The following SLC25A44 variants were observed in gnomAD, a reference collection of about 807,000 sequenced individuals.
SLC25A44 encodes solute carrier family 25, member 44.
Under a neutral mutation model 29.9 loss-of-function variants are expected in SLC25A44, and 17 were observed. The ratio of observed to expected loss-of-function variants is 0.57; its 90% CI spans 0.39 to 0.85. SLC25A44 has a LOEUF of 0.85. Among genes scored for constraint, SLC25A44 ranks in the 40% least tolerant of loss-of-function variants. The pLI is 0.00. For synonymous variants in SLC25A44, 140 were observed against 151.8 expected, an observed-to-expected ratio of 0.92 and a Z score of 0.57; for missense variants, 302 against 398.4, an observed-to-expected ratio of 0.76 and a Z score of 2.06.
chr1:156,201,914 A>G (rs986826477), intron 2 of SLC25A44, among the ~76,000 whole-genome samples: 1 of 152,300 alleles, frequency 6.6e-6, no homozygotes, highest in East Asian at 1.9e-4. Flanking sequence ...CATCATCTCT[A>G]CTTCCATTCT....
intron 3 of SLC25A44, among the ~76,000 whole-genome samples, chr1:156,209,391 G>A (rs1657152838): frequency 1.3e-5 from 2 of 152,154 alleles, no homozygotes; most frequent in African/African-American, 4.8e-5. Context: ...GAGGAAGAAG[G>A]GAGTGCGGAG....
At chr1:156,199,804 T>C in intron 1 of SLC25A44, 31 bp from the exon 2 acceptor site, 34 of 1,573,838 alleles carry the variant, frequency 2.2e-5, no homozygotes, top group South Asian at 3.6e-5. Context: ...ACCCTCCTTC[T>C]TCACATCCCT....
At position 156,200,132 on chromosome 1, in the gene SLC25A44, G is replaced by T; in HGVS notation, c.285G>T (p.Glu95Asp). The T allele has an allele frequency of 6.2e-7, 1 of 1,614,166 alleles. No homozygotes were observed. Among genetic ancestry groups the T allele is most frequent in the South Asian group, 1.1e-5 (1 of 91,086 alleles). Reference sequence around the variant, plus strand: ...GCCAGTGTTATGTCACCACTTATGAGCTCACCCGGAAGTTTGTAGCTGACT... The same window carrying T: ...GCCAGTGTTATGTCACCACTTATGATCTCACCCGGAAGTTTGTAGCTGACT... ...ISGQCYVTTYELTRKFVADYS... is the reference protein window; with the variant it reads ...ISGQCYVTTYDLTRKFVADYS... Residue 95 changes from glutamate (E) to aspartate (D), a missense_variant, in exon 2 of 4, where the codon GAG becomes GAT. Glu to Asp is a conservative substitution (Grantham distance 45, BLOSUM62 2). Coordinates refer to ENST00000359511, the MANE Select transcript of SLC25A44 (RefSeq NM_014655.4).
chr1:156,203,950 CGCCTCG>C (rs1301135538), intron 2 of SLC25A44, among the ~76,000 whole-genome samples: 2 of 151,320 alleles, frequency 1.3e-5, no homozygotes, highest in Non-Finnish European at 2.9e-5. Flanking sequence ...GTGATCCGCC[CGCCTCG>C]GCCTCCCGAA....
intron 2 of SLC25A44, among the ~76,000 whole-genome samples, chr1:156,204,781 T>C (rs534891708): frequency 4.6e-5 from 7 of 151,678 alleles, no homozygotes; most frequent in Admixed American, 6.6e-5. Context: ...GTCCAGATGC[T>C]ACAGTTTAAT....
intron 1 of SLC25A44, 134 bp from the exon 2 acceptor site, chr1:156,199,701 T>G (rs1277021486): frequency 1.5e-6 from 1 of 679,836 alleles, no homozygotes; most frequent in South Asian, 1.9e-5. Flanking sequence ...CCAGATTGGG[T>G]GGAGTCCAAG....
At position 156,200,365 on chromosome 1, in the gene SLC25A44, T is replaced by A; in HGVS notation, c.518T>A (p.Ile173Asn). The A allele has an allele frequency of 6.2e-7, 1 of 1,614,118 alleles. No homozygotes were observed. Among genetic ancestry groups the A allele is most frequent in the African/African-American group, 1.3e-5 (1 of 75,064 alleles). Reference protein sequence around the residue: ...FGQTKDIIRQILQADGLRGFY... With the variant: ...FGQTKDIIRQNLQADGLRGFY... ...CAAACCAAGGACATCATCAGGCAGA[T>A]CCTGCAGGCTGATGGACTTCGCGGC... Residue 173 changes from isoleucine (I) to asparagine (N), a missense_variant, in exon 2 of 4, where the codon ATC becomes AAC. Coordinates refer to ENST00000359511, the MANE Select transcript of SLC25A44 (RefSeq NM_014655.4).
At position 156,194,184 on chromosome 1, in the gene SLC25A44, G is replaced by A. The variant is rs1163405740; in HGVS notation, c.-77G>A. The A allele has an allele frequency of 6.5e-6, 1 of 152,864 alleles. No homozygotes were observed. The highest frequency in any genetic ancestry group is 1.5e-5 in the Non-Finnish European group (1 of 68,080). The allele number at this position is 152,864 out of a possible 1,614,324, so 9.5% of individuals were successfully genotyped here. A position where few individuals can be genotyped will look rare whatever the true frequency, so the allele number is the denominator to read the frequency against. ...GGGAACGACGGATAGACTGGGGGCT[G>A]CGGCCTAGAGGTCCGGGCTTGGAGT... On this transcript the variant is annotated 5_prime_UTR_variant, in exon 1 of 4. Transcript: ENST00000359511.
At position 156,211,867 on chromosome 1, in the gene SLC25A44, C is replaced by T. The variant is rs941146674; in HGVS notation, c.*1436C>T. The T allele has an allele frequency of 2.0e-5, 3 of 152,784 alleles. No homozygotes were observed. The highest frequency in any genetic ancestry group is 4.4e-5 in the Non-Finnish European group (3 of 68,058). The allele number at this position is 152,784 out of a possible 1,614,324, so 9.5% of individuals were successfully genotyped here. On this transcript the variant is annotated 3_prime_UTR_variant, in exon 4 of 4. Coordinates refer to ENST00000359511, the MANE Select transcript of SLC25A44 (RefSeq NM_014655.4). ...CCTCCAAACCCTATTGGTCCCACCCCCTGGGAAAGGCCATGGTGCCAGTTT... is the reference window on the plus strand; with the variant it reads ...CCTCCAAACCCTATTGGTCCCACCCTCTGGGAAAGGCCATGGTGCCAGTTT...
At chr1:156,207,770 T>C (rs2103051232) in intron 2 of SLC25A44, 116 bp from the exon 3 acceptor site, 1 of 1,070,410 alleles carries the variant, frequency 9.3e-7, no homozygotes. Context: ...ACTTAGGTGG[T>C]GAAGGGTGGA....
At chr1:156,205,303 G>A (rs1471370801) in intron 2 of SLC25A44, among the ~76,000 whole-genome samples, 5 of 152,104 alleles carry the variant, frequency 3.3e-5, no homozygotes, top group African/African-American at 1.2e-4. Context: ...CTGCCTCCCA[G>A]AGTGCTGGGA....
chr1:156,200,323 G>A lies in SLC25A44; in HGVS notation c.476G>A (p.Gly159Glu), dbSNP rs778565124. Residue 159 changes from glycine (G) to glutamate (E), a missense_variant, in exon 2 of 4, where the codon GGG (glycine) becomes GAG (glutamate). Transcript: ENST00000359511. ...GTGCGGGGGAACCCAGAGGGACAAG[G>A]GGTAGTTGCCTTTGGCCAAACCAAG... ...FQVRGNPEGQ[G>E]VVAFGQTKDI... The A allele has an allele frequency of 1.9e-6, 3 of 1,614,146 alleles. No homozygotes were observed. Among genetic ancestry groups the A allele is most frequent in the Non-Finnish European group, 1.7e-6 (2 of 1,180,048 alleles).
intron 2 of SLC25A44, among the ~76,000 whole-genome samples, chr1:156,202,155 G>C (rs1656624009): frequency 6.6e-6 from 1 of 152,132 alleles, no homozygotes; most frequent in Non-Finnish European, 1.5e-5. Context: ...CCCATGTCTA[G>C]TCCTGGTAAC....
chr1:156,197,250 C>G (rs1170484155), intron 1 of SLC25A44: 1 of 152,202 alleles, frequency 6.6e-6, no homozygotes, highest in Non-Finnish European at 1.5e-5. Flanking sequence ...CTTAGTGGGT[C>G]CCCCAGGCTG....
chr1:156,205,501 A>G (rs1656882372), intron 2 of SLC25A44, among the ~76,000 whole-genome samples: 1 of 151,918 alleles, frequency 6.6e-6, no homozygotes, highest in Non-Finnish European at 1.5e-5. Context: ...GCTTGTCCTC[A>G]GGGCCCTTGC....
At chr1:156,196,479 C>G (rs1006508622) in intron 1 of SLC25A44, 4 of 152,186 alleles carry the variant, frequency 2.6e-5, no homozygotes, top group African/African-American at 7.2e-5. Context: ...CGGATCCTGT[C>G]TTAGGATTTC....
Position 156,200,112 on chromosome 1 carries a change from T to TGTTA in SLC25A44, c.266_269dup (p.Tyr90Ter). 6.2e-7 allele frequency: 1 copy of TGTTA among 1,614,116 alleles called. No individual in the cohort carries two copies. The highest frequency in any genetic ancestry group is 8.5e-7 in the Non-Finnish European group (1 of 1,180,022). On this transcript the variant is annotated stop_gained and frameshift_variant, in exon 2 of 4. Coordinates refer to ENST00000359511, the MANE Select transcript of SLC25A44 (RefSeq NM_014655.4). LOFTEE classifies it high-confidence loss of function. ...TACCTTCACCCTCATCTCTGGCCAG[T>TGTTA]GTTATGTCACCACTTATGAGCTCAC... is the stretch of plus-strand genomic sequence containing the variant.
chr1:156,201,936 G>C (rs1356888403), intron 2 of SLC25A44, among the ~76,000 whole-genome samples: 1 of 152,172 alleles, frequency 6.6e-6, no homozygotes, highest in Non-Finnish European at 1.5e-5. Context: ...AGACTAGCCT[G>C]TCGAGAGTTC....
At chr1:156,195,242 T>G (rs1442632256) in intron 1 of SLC25A44, among the ~76,000 whole-genome samples, 4 of 152,116 alleles carry the variant, frequency 2.6e-5, no homozygotes, top group African/African-American at 9.7e-5. Flanking sequence ...TAGCTGGGAC[T>G]ACAGGCGCCC....
Sources: gnomAD v4.1 joint callset for allele counts (sites outside exome capture counted in the v4.1 genomes callset) on GRCh38, gnomAD v4.1.1 for gene constraint, MANE v1.5 for transcripts, NCBI Gene and HGNC (gene_info 2026-07-23, HGNC 2026-07-21) for gene names.